The following CASTOR2 variants were observed in gnomAD, a reference collection of about 807,000 sequenced individuals.
CASTOR2 encodes GATS protein like 2.
Under a neutral mutation model 31.2 loss-of-function variants are expected in CASTOR2, and 8 were observed. That is an observed-to-expected ratio of 0.26 (90% CI 0.15 to 0.46). CASTOR2 has a LOEUF of 0.46. CASTOR2 is among the 20% of genes least tolerant of loss of function. The pLI is 0.99. For missense variants in CASTOR2, 216 were observed against 382.1 expected (o/e 0.57, Z 3.62); for synonymous variants, 162 against 158.7 (o/e 1.02, Z -0.16).
At position 75,027,793 on chromosome 7, in the gene CASTOR2, G is replaced by A. The variant is rs983074285; in HGVS notation, c.*3094G>A. On this transcript the variant is annotated 3_prime_UTR_variant, in exon 9 of 9. Coordinates refer to ENST00000616305, the MANE Select transcript of CASTOR2 (RefSeq NM_001145064.3). ...GTAAAGCTTGGTTTATCTTCTCGGC[G>A]TTCTGTGTGTAGCGTAGTCTTGGTT... 3.0e-5 allele frequency: 17 copies of A among 565,608 alleles called. No individual in the cohort carries two copies. The highest frequency in any genetic ancestry group is 9.5e-5 in the Admixed American group (3 of 31,742). 35.0% of individuals were successfully genotyped at this position (565,608 alleles called of 1,614,324 possible).
intron 2 of CASTOR2, among the ~76,000 whole-genome samples, chr7:75,009,520 G>A (rs1358625197): frequency 4.0e-5 from 6 of 151,728 alleles, no homozygotes; most frequent in South Asian, 4.2e-4. Flanking sequence ...CACCCACCTC[G>A]GCCTCCCAAA....
intron 1 of CASTOR2, among the ~76,000 whole-genome samples, chr7:74,986,861 TGTA>T (rs1804078454): frequency 6.8e-6 from 1 of 147,226 alleles, no homozygotes; most frequent in African/African-American, 2.5e-5. Context: ...GCCTGAACAA[TGTA>T]GTAAGACCCC....
At chr7:74,987,375 G>T (rs2131926918) in intron 1 of CASTOR2, among the ~76,000 whole-genome samples, 1 of 150,820 alleles carries the variant, frequency 6.6e-6, no homozygotes, top group South Asian at 2.1e-4. Flanking sequence ...TCCAGCCTGG[G>T]CAACAGAGTG....
rs1454898624 is a variant in CASTOR2 at position 74,964,808 on chromosome 7, A to T, written c.-178A>T. ...CCCTCGCCCCGCGGCTCCCCCTTGCAACTTGGCGGGCCTCCTCCCTTTTGT... is the reference window on the plus strand; with the variant it reads ...CCCTCGCCCCGCGGCTCCCCCTTGCTACTTGGCGGGCCTCCTCCCTTTTGT... On this transcript the variant is annotated 5_prime_UTR_variant, in exon 1 of 9. Coordinates refer to ENST00000616305, the MANE Select transcript of CASTOR2 (RefSeq NM_001145064.3). 5 of 60,116 alleles carry T rather than the reference A, an allele frequency of 8.3e-5. No individual in the cohort carries two copies. The East Asian group carries it at 3.3e-3, about 40-fold the overall frequency. The allele number at this position is 60,116 out of a possible 1,614,324, so 3.7% of individuals were successfully genotyped here. A position where few individuals can be genotyped will look rare whatever the true frequency, so the allele number is the denominator to read the frequency against.
At chr7:74,989,256 G>A (rs1362090331) in intron 1 of CASTOR2, among the ~76,000 whole-genome samples, 5 of 117,498 alleles carry the variant, frequency 4.3e-5, no homozygotes, top group Admixed American at 3.1e-4. Context: ...GAGCCACCAC[G>A]CCTGGCCTTT....
At chr7:75,005,985 C>G (rs1235716587) in intron 1 of CASTOR2, among the ~76,000 whole-genome samples, 1 of 152,158 alleles carries the variant, frequency 6.6e-6, no homozygotes, top group Non-Finnish European at 1.5e-5. Context: ...CAAAAATTAG[C>G]CAGATGTGGT....
rs1275155454 is a variant in CASTOR2, at chr7:75,031,032, T to C, written c.*6333T>C. Among the ~76,000 whole-genome samples the C allele has an allele frequency of 6.6e-6, 1 of 152,232 alleles. No homozygotes were observed. The highest frequency in any genetic ancestry group is 1.5e-5 in the Non-Finnish European group (1 of 68,040). On this transcript the variant is annotated 3_prime_UTR_variant, in exon 9 of 9. Transcript: ENST00000616305. Reference sequence around the variant, plus strand: ...CAGGCCAAGGCCAGTGCGGTTTCCCTTCCACTGCCTCAGTTTACCTGTATT... The same window carrying C: ...CAGGCCAAGGCCAGTGCGGTTTCCCCTCCACTGCCTCAGTTTACCTGTATT...
intron 1 of CASTOR2, among the ~76,000 whole-genome samples, chr7:74,971,933 C>T (rs1803685240): frequency 6.8e-6 from 1 of 148,120 alleles, no homozygotes; most frequent in South Asian, 2.2e-4. Context: ...GAACCTGAAC[C>T]TACTCCCAGA....
chr7:74,985,755 G>A (rs1804048257), intron 1 of CASTOR2, among the ~76,000 whole-genome samples: 1 of 151,942 alleles, frequency 6.6e-6, no homozygotes, highest in African/African-American at 2.4e-5. Context: ...CCTTAGGGTG[G>A]CCTGAGGGTT....
At position 75,017,912 on chromosome 7, in the gene CASTOR2, C is replaced by G. The variant is rs1196042841; in HGVS notation, c.379-78C>G. The G allele has an allele frequency of 5.0e-6, 8 of 1,613,660 alleles. No individual in the cohort carries two copies. In the African/African-American group the frequency reaches 1.1e-4, roughly 22 times the overall value. ...CTATTCCAGGGTGGGGGCAGAGTCT[C>G]AGGGTGAGAGGTCGGTGCCCCAGAC... On this transcript the variant is annotated intron_variant, in intron 3 of 8. Coordinates refer to ENST00000616305, the MANE Select transcript of CASTOR2 (RefSeq NM_001145064.3).
At chr7:74,987,175 T>C (rs1166329222) in intron 1 of CASTOR2, among the ~76,000 whole-genome samples, 1 of 151,540 alleles carries the variant, frequency 6.6e-6, no homozygotes, top group Non-Finnish European at 1.5e-5. Flanking sequence ...GAGGCCAAGG[T>C]GGGCAGATCA....
chr7:75,000,736 G>A (rs1804475768), intron 1 of CASTOR2, among the ~76,000 whole-genome samples: 1 of 151,778 alleles, frequency 6.6e-6, no homozygotes, highest in Admixed American at 6.6e-5. Flanking sequence ...CGACTCAACT[G>A]CAGTCTCCAC....
In CASTOR2 at chr7:74,999,272, A is replaced by G. The variant is rs1804434228; in HGVS notation, c.114-8722A>G. Among the ~76,000 whole-genome samples, 3 of 152,118 alleles carry G rather than the reference A, an allele frequency of 2.0e-5. No individual in the cohort carries two copies. The South Asian group carries it at 6.2e-4, about 32-fold the overall frequency. On this transcript the variant is annotated intron_variant, in intron 1 of 8. Transcript: ENST00000616305. ...TGATCCACCCGCCTCGGCTTCCCCAAGTGCTGGGATTACAAGCATGAGCCA... is the reference window on the plus strand; with the variant it reads ...TGATCCACCCGCCTCGGCTTCCCCAGGTGCTGGGATTACAAGCATGAGCCA...
intron 1 of CASTOR2, among the ~76,000 whole-genome samples, chr7:74,995,584 G>A (rs2131935159): frequency 6.6e-6 from 1 of 151,660 alleles, no homozygotes; most frequent in Non-Finnish European, 1.5e-5. Flanking sequence ...GTGGCGGGCG[G>A]GTCACGAGGT....
intron 2 of CASTOR2, among the ~76,000 whole-genome samples, chr7:75,013,280 C>T (rs1472045915): frequency 1.3e-5 from 2 of 152,170 alleles, no homozygotes; most frequent in Non-Finnish European, 2.9e-5. Flanking sequence ...CTGGGTCTTT[C>T]CTGGGAGGGC....
chr7:74,981,568 C>T (rs1803946329), intron 1 of CASTOR2, among the ~76,000 whole-genome samples: 1 of 145,396 alleles, frequency 6.9e-6, no homozygotes, highest in Admixed American at 7.0e-5. Flanking sequence ...GGCAGGCCCT[C>T]CTTGGCAGGG....
In CASTOR2 at chr7:75,028,093, A is replaced by AAG. The variant is rs1805188200; in HGVS notation, c.*3397_*3398dup. On this transcript the variant is annotated 3_prime_UTR_variant, in exon 9 of 9. Coordinates refer to ENST00000616305, the MANE Select transcript of CASTOR2 (RefSeq NM_001145064.3). ...TGGGGCAGGTGCCTGGCGGGGGAGG[A>AAG]AGAGGGCTCTCTATGATGTGGAATT... 1 of 1,515,442 alleles carries AAG rather than the reference A, an allele frequency of 6.6e-7. No homozygotes were observed. Among genetic ancestry groups the AAG allele is most frequent in the Non-Finnish European group, 8.8e-7 (1 of 1,141,188 alleles). 93.9% of individuals were successfully genotyped at this position (1,515,442 alleles called of 1,614,324 possible).
chr7:74,998,287 G>A (rs1804401433), intron 1 of CASTOR2, among the ~76,000 whole-genome samples: 1 of 152,174 alleles, frequency 6.6e-6, no homozygotes. Context: ...AGGAGGAGAT[G>A]CAGCCTTGTC....
rs1804912129 is a variant in CASTOR2 at position 75,018,259 on chromosome 7, G to C, written c.511+137G>C. ...TGCCAGGCAGAACGGGATGCAAAGG[G>C]CCCAGTGTGGTGGCTCATGCTTGTA... On this transcript the variant is annotated intron_variant, in intron 4 of 8. Coordinates refer to ENST00000616305, the MANE Select transcript of CASTOR2 (RefSeq NM_001145064.3). 6 of 1,483,208 alleles carry C rather than the reference G, an allele frequency of 4.0e-6. No individual in the cohort carries two copies. The East Asian group carries it at 1.5e-4, about 37-fold the overall frequency. The allele number at this position is 1,483,208 out of a possible 1,614,324, so 91.9% of individuals were successfully genotyped here.
Sources: allele counts gnomAD v4.1 joint callset (sites outside exome capture counted in the v4.1 genomes callset), GRCh38; gene constraint gnomAD v4.1.1; transcripts MANE v1.5; gene names NCBI Gene and HGNC (gene_info 2026-07-23, HGNC 2026-07-21).